Variants in CREB5 observed in about 807,000 individuals in gnomAD.
CREB5 encodes the protein cyclic AMP-responsive element-binding protein 5.
In CREB5, 19 loss-of-function variants were observed where a neutral mutation model predicts 57.1. The observed-to-expected ratio is 0.33, with a 90% confidence interval of 0.23 to 0.49. CREB5 has a LOEUF of 0.49. CREB5 is among the 20% of genes least tolerant of loss of function. The pLI is 0.99. For missense variants in CREB5, 579 were observed against 671.6 expected (o/e 0.86, Z 1.52); for synonymous variants, 238 against 238.3 (o/e 1.00, Z 0.01).
At chr7:28,646,990 C>T (rs1798914884) in intron 5 of CREB5, among the ~76,000 whole-genome samples, 3 of 151,988 alleles carry the variant, frequency 2.0e-5, no homozygotes, top group Admixed American at 2.0e-4. Flanking sequence ...ATAGGGGCAA[C>T]ACTGGTGATA....
chr7:28,423,591 A>G (rs1788368352), intron 1 of CREB5, among the ~76,000 whole-genome samples: 1 of 151,772 alleles, frequency 6.6e-6, no homozygotes, highest in South Asian at 2.1e-4. Context: ...GGGAAGATGG[A>G]GTCAGGATAA....
intron 1 of CREB5, among the ~76,000 whole-genome samples, chr7:28,319,202 G>A (rs1160436866): frequency 6.6e-6 from 1 of 152,166 alleles, no homozygotes; most frequent in African/African-American, 2.4e-5. Context: ...TAATAGGTGT[G>A]CCATATTACA....
Position 28,412,703 on chromosome 7 carries a change from G to T in CREB5, c.-212G>T, listed in dbSNP as rs191977539. The T allele has an allele frequency of 1.1e-3, 448 of 401,960 alleles. 3 individuals carry two copies. The highest frequency in any genetic ancestry group is 3.9e-3 in the Admixed American group (89 of 22,968). The allele number at this position is 401,960 out of a possible 1,614,324, so 24.9% of individuals were successfully genotyped here. A position where few individuals can be genotyped will look rare whatever the true frequency, so the allele number is the denominator to read the frequency against. On this transcript the variant is annotated 5_prime_UTR_variant, in exon 1 of 11. Transcript: ENST00000357727. ...GTACCAGAGTCTAGGAGGTACCTCT[G>T]GGTTGCAGAAGTAATTGTAAAATAC...
chr7:28,716,686 A>G (rs1007003349), intron 5 of CREB5, among the ~76,000 whole-genome samples: 1 of 152,234 alleles, frequency 6.6e-6, no homozygotes, highest in African/African-American at 2.4e-5. Context: ...CAAACAAAAC[A>G]TTAAGACCGG....
At chr7:28,521,114 G>C (rs1016782292) in intron 4 of CREB5, among the ~76,000 whole-genome samples, 4 of 152,164 alleles carry the variant, frequency 2.6e-5, no homozygotes, top group Non-Finnish European at 5.9e-5. Context: ...ATGAGCCAAG[G>C]CACCCATTGC....
rs117288017 is a variant in CREB5, at chr7:28,630,923, C to T, written c.464+60386C>T. Reference sequence around the variant, plus strand: ...GTATGGTACAGAACGCTATGAGGTACGTATGACTCTTGCCCCCGTGTTAGA... The same window carrying T: ...GTATGGTACAGAACGCTATGAGGTATGTATGACTCTTGCCCCCGTGTTAGA... On this transcript the variant is annotated intron_variant, in intron 5 of 10. Coordinates refer to ENST00000357727, the MANE Select transcript of CREB5 (RefSeq NM_182898.4). Among the ~76,000 whole-genome samples, 564 of 152,192 alleles carry T rather than the reference C, an allele frequency of 3.7e-3. 2 individuals are homozygous for T. The highest frequency in any genetic ancestry group is 0.012 in the South Asian group (57 of 4,816).
chr7:28,325,315 C>T (rs2127985201), intron 1 of CREB5, among the ~76,000 whole-genome samples: 1 of 152,232 alleles, frequency 6.6e-6, no homozygotes, highest in East Asian at 1.9e-4. Context: ...ATTAGCCAGG[C>T]ATGGTGGCGG....
chr7:28,332,303 G>A (rs1448545595), intron 1 of CREB5, among the ~76,000 whole-genome samples: 1 of 152,172 alleles, frequency 6.6e-6, no homozygotes, highest in Non-Finnish European at 1.5e-5. Flanking sequence ...ATGCATTTCT[G>A]TTGTCTGAAG....
intron 5 of CREB5, among the ~76,000 whole-genome samples, chr7:28,582,456 C>G (rs1009475058): frequency 1.3e-5 from 2 of 152,050 alleles, no homozygotes; most frequent in East Asian, 1.9e-4. Flanking sequence ...CGTCAAAGAC[C>G]CTGTTGCATC....
At chr7:28,698,262 T>C (rs919333115) in intron 5 of CREB5, among the ~76,000 whole-genome samples, 4 of 151,374 alleles carry the variant, frequency 2.6e-5, no homozygotes, top group African/African-American at 7.3e-5. Context: ...TGACAACAAC[T>C]GTATGACAAG....
chr7:28,695,496 C>A (rs1173980814), intron 5 of CREB5, among the ~76,000 whole-genome samples: 4 of 152,222 alleles, frequency 2.6e-5, no homozygotes, highest in Non-Finnish European at 5.9e-5. Flanking sequence ...ATTCAGGCAG[C>A]TGTGCAGAGA....
chr7:28,763,836 C>G (rs1005490731), intron 7 of CREB5, among the ~76,000 whole-genome samples: 2 of 150,810 alleles, frequency 1.3e-5, no homozygotes, highest in African/African-American at 2.4e-5. Context: ...GGGTCTTGCT[C>G]TGTCACCAAG....
chr7:28,781,916 T>A (rs1052512385), intron 7 of CREB5, among the ~76,000 whole-genome samples: 2 of 149,546 alleles, frequency 1.3e-5, no homozygotes, highest in Admixed American at 6.7e-5. Context: ...CAAATATTCA[T>A]TAAATTTCAA....
chr7:28,673,164 A>T (rs1462325971), intron 5 of CREB5, among the ~76,000 whole-genome samples: 1 of 152,224 alleles, frequency 6.6e-6, no homozygotes, highest in Non-Finnish European at 1.5e-5. Flanking sequence ...TTTAAATCTT[A>T]AAATGTATTA....
chr7:28,320,565 T>C (rs1785479904), intron 1 of CREB5, among the ~76,000 whole-genome samples: 1 of 152,220 alleles, frequency 6.6e-6, no homozygotes, highest in Non-Finnish European at 1.5e-5. Context: ...AAAGATCTAG[T>C]TCTGGAATAC....
At chr7:28,576,216 G>A (rs55932561) in intron 5 of CREB5, among the ~76,000 whole-genome samples, 15,969 of 152,242 alleles carry the variant, frequency 0.1, 1,136 homozygotes, top group Middle Eastern at 0.21. Flanking sequence ...CAAGCCCTTC[G>A]TTAGAAAGGG....
intron 5 of CREB5, among the ~76,000 whole-genome samples, chr7:28,607,964 G>A (rs926188416): frequency 2.0e-5 from 3 of 151,984 alleles, no homozygotes; most frequent in African/African-American, 4.8e-5. Flanking sequence ...GAACAGCGCC[G>A]TACATGGTGT....
At chr7:28,599,363 C>T (rs1796816953) in intron 5 of CREB5, among the ~76,000 whole-genome samples, 1 of 152,088 alleles carries the variant, frequency 6.6e-6, no homozygotes, top group Non-Finnish European at 1.5e-5. Context: ...GGAAAATAAG[C>T]CCATAAATAC....
At chr7:28,769,725 G>C (rs1425147146) in intron 7 of CREB5, among the ~76,000 whole-genome samples, 2 of 152,164 alleles carry the variant, frequency 1.3e-5, no homozygotes, top group Non-Finnish European at 2.9e-5. Flanking sequence ...AGGGCAGTTA[G>C]AGTATGACCA....
Sources: gnomAD v4.1 joint callset for allele counts (sites outside exome capture counted in the v4.1 genomes callset) on GRCh38, gnomAD v4.1.1 for gene constraint, MANE v1.5 for transcripts, NCBI Gene and HGNC (gene_info 2026-07-23, HGNC 2026-07-21) for gene names.